The following HDAC9 variants were observed in gnomAD, a reference collection of about 807,000 sequenced individuals.
The protein encoded by HDAC9 is MEF-2 interacting transcription repressor (MITR) protein.
HDAC9 carries 41 observed loss-of-function variants against 139.4 expected under a neutral mutation model. That is an observed-to-expected ratio of 0.29 (90% CI 0.23 to 0.38). HDAC9 has a LOEUF of 0.38. HDAC9 is among the 10% of genes least tolerant of loss of function. The pLI, the probability that HDAC9 is intolerant of heterozygous loss-of-function variation, is 1.00. For synonymous variants in HDAC9, 517 were observed against 476.2 expected (o/e 1.09, Z -1.12); for missense variants, 1,147 against 1,297.0 (o/e 0.88, Z 1.78).
chr7:18,929,445 G>T (rs1007568706), intron 22 of HDAC9, among the ~76,000 whole-genome samples: 3 of 151,898 alleles, frequency 2.0e-5, no homozygotes, highest in African/African-American at 7.2e-5. Context: ...TACCAGTTCA[G>T]CTCCACTTGG....
chr7:18,170,965 T>C (rs1039826466), intron 2 of HDAC9, among the ~76,000 whole-genome samples: 5 of 152,222 alleles, frequency 3.3e-5, no homozygotes, highest in Non-Finnish European at 5.9e-5. Flanking sequence ...TAAAGTAGTT[T>C]CTTCCAATTC....
chr7:18,798,221 A>G (rs1018919428), intron 17 of HDAC9, among the ~76,000 whole-genome samples: 4 of 152,182 alleles, frequency 2.6e-5, no homozygotes, highest in East Asian at 1.9e-4. Flanking sequence ...GTGGAATTCC[A>G]AAGTCATTTT....
chr7:18,911,206 A>G (rs192504316), intron 22 of HDAC9, among the ~76,000 whole-genome samples: 1 of 138,886 alleles, frequency 7.2e-6, no homozygotes, highest in Non-Finnish European at 1.6e-5. Flanking sequence ...AAATGTATCT[A>G]TTTCCTCTAG....
intron 1 of HDAC9, among the ~76,000 whole-genome samples, chr7:18,133,927 C>T (rs548035241): frequency 5.2e-4 from 68 of 130,426 alleles, no homozygotes; most frequent in East Asian, 1.3e-3. Context: ...TGAATATACA[C>T]GCGTGCACAC....
intron 2 of HDAC9, among the ~76,000 whole-genome samples, chr7:18,562,016 T>G (rs1820774633): frequency 6.6e-6 from 1 of 152,198 alleles, no homozygotes; most frequent in Non-Finnish European, 1.5e-5. Context: ...TCTTTTTGAT[T>G]ATAGCCATTC....
At chr7:18,326,650 G>T (rs621939) in intron 1 of HDAC9, among the ~76,000 whole-genome samples, 27,288 of 151,878 alleles carry the variant, frequency 0.18, 2,580 homozygotes, top group East Asian at 0.26. Flanking sequence ...GTATACTTTG[G>T]ATTTATCATC....
At chr7:18,779,103 G>A (rs1791026284) in intron 16 of HDAC9, among the ~76,000 whole-genome samples, 1 of 151,974 alleles carries the variant, frequency 6.6e-6, no homozygotes, top group African/African-American at 2.4e-5. Flanking sequence ...ATCTCACCAT[G>A]ACTAAAGAAG....
chr7:18,818,430 A>G (rs1794727127), intron 17 of HDAC9, among the ~76,000 whole-genome samples: 1 of 152,234 alleles, frequency 6.6e-6, no homozygotes, highest in Non-Finnish European at 1.5e-5. Context: ...TATAAAACTT[A>G]AGTAAAAATC....
chr7:18,385,954 C>T (rs531867729), intron 1 of HDAC9, among the ~76,000 whole-genome samples: 177 of 152,026 alleles, frequency 1.2e-3, no homozygotes, highest in Non-Finnish European at 2.1e-3. Flanking sequence ...CCAAAACTAC[C>T]TTTCAAGCTG....
chr7:18,260,357 C>T (rs1201814700), intron 2 of HDAC9, among the ~76,000 whole-genome samples: 5 of 130,024 alleles, frequency 3.8e-5, no homozygotes, highest in South Asian at 2.4e-4. Context: ...TGAACTCTGT[C>T]GCCCAGGCTG....
At chr7:18,299,115 G>C (rs1175452549) in intron 1 of HDAC9, among the ~76,000 whole-genome samples, 1 of 151,878 alleles carries the variant, frequency 6.6e-6, no homozygotes, top group Non-Finnish European at 1.5e-5. Flanking sequence ...TCAGGTGTAG[G>C]ACTCTGCATT....
intron 1 of HDAC9, among the ~76,000 whole-genome samples, chr7:18,326,308 C>G (rs1800440403): frequency 6.6e-6 from 1 of 151,902 alleles, no homozygotes; most frequent in African/African-American, 2.4e-5. Flanking sequence ...ATAAAAGCAT[C>G]TAAAAGAAAG....
intron 21 of HDAC9, among the ~76,000 whole-genome samples, chr7:18,859,179 A>G (rs1797905113): frequency 6.6e-6 from 1 of 152,146 alleles, no homozygotes; most frequent in Non-Finnish European, 1.5e-5. Context: ...TGATCATTGC[A>G]ACATTAGAAG....
intron 2 of HDAC9, among the ~76,000 whole-genome samples, chr7:18,269,753 T>C (rs913958107): frequency 2.0e-5 from 3 of 151,914 alleles, no homozygotes; most frequent in Admixed American, 2.0e-4. Flanking sequence ...TATACATATA[T>C]ACACATATAT....
intron 12 of HDAC9, among the ~76,000 whole-genome samples, chr7:18,678,327 C>T (rs549621521): frequency 2.5e-4 from 38 of 151,894 alleles, no homozygotes; most frequent in Middle Eastern, 3.4e-3. Context: ...GTACATCCTT[C>T]TTTGGTTCAC....
Position 18,662,642 on chromosome 7 carries a change from G to GT in HDAC9, c.1468-3570dup, listed in dbSNP as rs1296858882. ...ATGGGATAGCTTCATAAATGTGCTG[G>GT]TAGCAGGAGGCTGAGTTTCTCTTCT... On this transcript the variant is annotated intron_variant, in intron 11 of 25. Transcript: ENST00000686413. Among the ~76,000 whole-genome samples, 8 of 152,092 alleles carry GT rather than the reference G, an allele frequency of 5.3e-5. No homozygotes were observed. In the East Asian group the frequency reaches 1.6e-3, roughly 30 times the overall value.
chr7:18,862,602 C>T (rs141074822), intron 21 of HDAC9, among the ~76,000 whole-genome samples: 2 of 152,278 alleles, frequency 1.3e-5, no homozygotes, highest in East Asian at 3.9e-4. Flanking sequence ...AGAAACCTCA[C>T]CTTTCCCCCT....
chr7:18,714,270 CA>C (rs1784548636), intron 12 of HDAC9, among the ~76,000 whole-genome samples: 1 of 152,196 alleles, frequency 6.6e-6, no homozygotes, highest in Non-Finnish European at 1.5e-5. Context: ...CTACGCAAAA[CA>C]TAGGTTATTT....
At chr7:18,684,287 G>A (rs1458047428) in intron 12 of HDAC9, among the ~76,000 whole-genome samples, 1 of 150,692 alleles carries the variant, frequency 6.6e-6, no homozygotes, top group Non-Finnish European at 1.5e-5. Flanking sequence ...TAACTCATGA[G>A]GACCAGAAAA....
Sources: gnomAD v4.1 joint callset for allele counts (sites outside exome capture counted in the v4.1 genomes callset) on GRCh38, gnomAD v4.1.1 for gene constraint, MANE v1.5 for transcripts, NCBI Gene and HGNC (gene_info 2026-07-23, HGNC 2026-07-21) for gene names.